Variants in SEMA3C observed in about 807,000 individuals in gnomAD.
SEMA3C encodes the protein semaphorin 3C, also known as semaphorin-3C.
In SEMA3C, 47 loss-of-function variants were observed where a neutral mutation model predicts 89.4. That is an observed-to-expected ratio of 0.53 (90% confidence interval 0.42 to 0.67). The LOEUF is 0.67. SEMA3C is among the 30% of genes least tolerant of loss of function. The probability of loss-of-function intolerance (pLI) is 0.00; values close to 1 mark genes in which losing one functional copy is unlikely to be tolerated. For synonymous variants in SEMA3C, 310 were observed against 320.2 expected (o/e 0.97, Z 0.34); for missense variants, 839 against 929.1 (o/e 0.90, Z 1.26).
chr7:80,759,817 G>A (rs995896612), intron 14 of SEMA3C, among the ~76,000 whole-genome samples: 5 of 152,142 alleles, frequency 3.3e-5, no homozygotes, highest in African/African-American at 1.2e-4. Flanking sequence ...GAAAACAACT[G>A]CGTGTTTTCA....
At chr7:80,895,474 T>G (rs913483807) in intron 2 of SEMA3C, among the ~76,000 whole-genome samples, 3 of 152,180 alleles carry the variant, frequency 2.0e-5, no homozygotes, top group African/African-American at 7.2e-5. Flanking sequence ...CAGCAATCTT[T>G]TAATTTTTAA....
chr7:80,821,015 C>T (rs553586565), intron 4 of SEMA3C, among the ~76,000 whole-genome samples: 2 of 152,148 alleles, frequency 1.3e-5, no homozygotes, highest in South Asian at 2.1e-4. Flanking sequence ...AATAACATCT[C>T]GTTTATATTT....
intron 2 of SEMA3C, among the ~76,000 whole-genome samples, chr7:80,902,659 T>C (rs1250139097): frequency 6.6e-6 from 1 of 152,220 alleles, no homozygotes; most frequent in Non-Finnish European, 1.5e-5. Context: ...CATGTCGTCA[T>C]GATATCACAA....
Position 80,798,153 on chromosome 7 carries a change from T to C in SEMA3C, c.1070A>G (p.Glu357Gly). Residue 357 changes from glutamate to glycine, a missense_variant, in exon 11 of 18, where the codon GAA (glutamate) becomes GGA (glycine). Coordinates refer to ENST00000265361, the MANE Select transcript of SEMA3C (RefSeq NM_006379.5). ...GGAAATCAGCTGATGATTGGGCCCT[T>C]CTTTGTGGGCAAAAGGCCCATTAAA... ...TVFNGPFAHKEGPNHQLISYQ... is the reference protein window; with the variant it reads ...TVFNGPFAHKGGPNHQLISYQ... The C allele has an allele frequency of 6.2e-7, 1 of 1,608,614 alleles. No homozygotes were observed. Among genetic ancestry groups the C allele is most frequent in the Non-Finnish European group, 8.5e-7 (1 of 1,177,660 alleles).
chr7:80,826,803 G>C (rs1403333150), intron 4 of SEMA3C, among the ~76,000 whole-genome samples: 4 of 152,094 alleles, frequency 2.6e-5, no homozygotes, highest in African/African-American at 9.7e-5. Flanking sequence ...GAATATTCAA[G>C]AATGGCAATG....
At chr7:80,906,856 C>T (rs1368664630) in intron 2 of SEMA3C, among the ~76,000 whole-genome samples, 3 of 152,010 alleles carry the variant, frequency 2.0e-5, no homozygotes, top group African/African-American at 4.8e-5. Flanking sequence ...TGTAGCCAAG[C>T]GGTAGGGGCT....
intron 6 of SEMA3C, among the ~76,000 whole-genome samples, chr7:80,807,862 G>A (rs1789379084): frequency 6.6e-6 from 1 of 152,108 alleles, no homozygotes; most frequent in Non-Finnish European, 1.5e-5. Context: ...TAAGGGAGAT[G>A]ACCACAGAAA....
intron 13 of SEMA3C, among the ~76,000 whole-genome samples, chr7:80,764,107 T>C (rs1295866786): frequency 2.0e-5 from 3 of 152,222 alleles, no homozygotes; most frequent in Non-Finnish European, 4.4e-5. Context: ...ACTTACGTGC[T>C]TATAAAGTCA....
chr7:80,786,396 GA>G lies in SEMA3C; in HGVS notation c.1354+2909del, dbSNP rs565539659. Among the ~76,000 whole-genome samples, 454 of 129,078 alleles carry G rather than the reference GA, an allele frequency of 3.5e-3. 8 individuals carry two copies. In the South Asian group the frequency reaches 0.045, roughly 13 times the overall value. The allele number at this position is 129,078 out of a possible 152,430, so 84.7% of individuals were successfully genotyped here. A position where few individuals can be genotyped will look rare whatever the true frequency, so the allele number is the denominator to read the frequency against. On this transcript the variant is annotated intron_variant, in intron 12 of 17. Coordinates refer to ENST00000265361, the MANE Select transcript of SEMA3C (RefSeq NM_006379.5). ...ACACATATTTCATGTAGATTTTCATGAAAAAAAAAAAAACCAACCAACTTGG... is the reference window on the plus strand; with the variant it reads ...ACACATATTTCATGTAGATTTTCATGAAAAAAAAAAAACCAACCAACTTGG...
chr7:80,815,575 T>TAAAAAAAAAAAAAAAAAAAAAAAAACA (rs1789585531), intron 5 of SEMA3C, among the ~76,000 whole-genome samples: 1 of 82,024 alleles, frequency 1.2e-5, no homozygotes, highest in Non-Finnish European at 2.5e-5. Flanking sequence ...AAAAAAAAAG[T>TAAAAAAAAAAAAAAAAAAAAAAAAACA]AAATGTAGAG....
In SEMA3C at chr7:80,802,594, A is replaced by G. The variant is rs1789234858; in HGVS notation, c.916+71T>C. On this transcript the variant is annotated intron_variant, in intron 9 of 17. Transcript: ENST00000265361. Reference sequence around the variant, plus strand: ...AATATGGAAAGTACATCTTCTTTTGAGACCTTATTTAAATATATAAACTTT... The same window carrying G: ...AATATGGAAAGTACATCTTCTTTTGGGACCTTATTTAAATATATAAACTTT... 3 of 915,808 alleles carry G rather than the reference A, an allele frequency of 3.3e-6. No individual in the cohort carries two copies. The Admixed American group carries it at 6.3e-5, about 19-fold the overall frequency. The allele number at this position is 915,808 out of a possible 1,614,324, so 56.7% of individuals were successfully genotyped here. A position where few individuals can be genotyped will look rare whatever the true frequency, so the allele number is the denominator to read the frequency against.
At chr7:80,847,138 G>A (rs1790409352) in intron 2 of SEMA3C, 1 of 152,176 alleles carries the variant, frequency 6.6e-6, no homozygotes, top group South Asian at 2.1e-4. Context: ...AACTGTTTAG[G>A]TTGACCTGGC....
At chr7:80,816,507 C>A (rs766036106) in intron 5 of SEMA3C, among the ~76,000 whole-genome samples, 1 of 152,116 alleles carries the variant, frequency 6.6e-6, no homozygotes, top group African/African-American at 2.4e-5. Context: ...GCTAGGAGAT[C>A]TTTTATCCTA....
chr7:80,770,797 G>A (rs1788414434), intron 12 of SEMA3C, among the ~76,000 whole-genome samples: 1 of 152,208 alleles, frequency 6.6e-6, no homozygotes, highest in African/African-American at 2.4e-5. Flanking sequence ...TGAGGGCCCT[G>A]CCCTTCCTGG....
At chr7:80,830,295 G>A (rs1307851280) in intron 2 of SEMA3C, among the ~76,000 whole-genome samples, 1 of 152,058 alleles carries the variant, frequency 6.6e-6, no homozygotes, top group Non-Finnish European at 1.5e-5. Flanking sequence ...AACAATAATA[G>A]TAACTTCTGC....
intron 11 of SEMA3C, among the ~76,000 whole-genome samples, chr7:80,790,468 A>C (rs1167823696): frequency 6.6e-6 from 1 of 152,138 alleles, no homozygotes; most frequent in Non-Finnish European, 1.5e-5. Context: ...TTAGAATAAA[A>C]TACCAACACC....
At chr7:80,858,924 T>C (rs1790707299) in intron 2 of SEMA3C, among the ~76,000 whole-genome samples, 1 of 152,280 alleles carries the variant, frequency 6.6e-6, no homozygotes. Context: ...GGATAAAGTT[T>C]GGGCCCCTCG....
At chr7:80,858,863 C>T (rs10954379) in intron 2 of SEMA3C, among the ~76,000 whole-genome samples, 13,780 of 152,062 alleles carry the variant, frequency 0.091, 931 homozygotes, top group African/African-American at 0.18. Context: ...GGTAATTCTC[C>T]ATATGAATAA....
At chr7:80,908,541 C>A (rs1047621394) in intron 2 of SEMA3C, among the ~76,000 whole-genome samples, 3 of 152,094 alleles carry the variant, frequency 2.0e-5, no homozygotes, top group Non-Finnish European at 4.4e-5. Context: ...TGCAAGACTT[C>A]GCTGGCTGGA....
Sources: allele counts gnomAD v4.1 joint callset (sites outside exome capture counted in the v4.1 genomes callset), GRCh38; gene constraint gnomAD v4.1.1; transcripts MANE v1.5; gene names NCBI Gene and HGNC (gene_info 2026-07-23, HGNC 2026-07-21).